The following DUSP5 variants were observed in gnomAD, a reference collection of about 807,000 sequenced individuals.
DUSP5 encodes dual specificity protein phosphatase 5.
In DUSP5, 22 loss-of-function variants were observed where a neutral mutation model predicts 33.6. That is an observed-to-expected ratio of 0.66 (90% CI 0.47 to 0.94). The LOEUF (loss-of-function observed/expected upper bound fraction) is 0.94. DUSP5 is among the 40% of genes least tolerant of loss of function. The pLI, the probability that DUSP5 is intolerant of heterozygous loss-of-function variation, is 0.00. For missense variants in DUSP5, 551 were observed against 522.1 expected, an observed-to-expected ratio of 1.06 and a Z score of -0.54; for synonymous variants, 270 against 231.1, an observed-to-expected ratio of 1.17 and a Z score of -1.53.
intron 2 of DUSP5, among the ~76,000 whole-genome samples, chr10:110,504,997 C>T (rs1202971645): frequency 6.6e-6 from 1 of 152,188 alleles, no homozygotes; most frequent in Non-Finnish European, 1.5e-5. Context: ...CGCCCAAGCC[C>T]AGGTTGTTAA....
rs140873397 is a variant in DUSP5, at chr10:110,500,031, T to C, written c.379+1531T>C. On this transcript the variant is annotated intron_variant, in intron 1 of 3. Coordinates refer to ENST00000369583, the MANE Select transcript of DUSP5 (RefSeq NM_004419.4). ...GGTAACATATACACAGGTAAAAATT[T>C]GAACAGCATGAAGGCCCTGTGATGA... Among the ~76,000 whole-genome samples, 825 of 152,348 alleles carry C rather than the reference T, an allele frequency of 5.4e-3. 15 individuals carry two copies. The highest frequency in any genetic ancestry group is 0.019 in the African/African-American group (794 of 41,582).
At chr10:110,499,724 A>G (rs1590514647) in intron 1 of DUSP5, among the ~76,000 whole-genome samples, 1 of 152,190 alleles carries the variant, frequency 6.6e-6, no homozygotes, top group African/African-American at 2.4e-5. Context: ...CTAACAGCCT[A>G]TCCCCCAGGG....
At chr10:110,503,709 G>T (rs981244566) in intron 2 of DUSP5, among the ~76,000 whole-genome samples, 5 of 152,224 alleles carry the variant, frequency 3.3e-5, no homozygotes, top group African/African-American at 1.2e-4. Context: ...GAGTCCTACA[G>T]CTGGTTCAAG....
At position 110,498,299 on chromosome 10, in the gene DUSP5, G is replaced by A; in HGVS notation, c.178G>A (p.Val60Met). The A allele has an allele frequency of 1.4e-6, 2 of 1,437,958 alleles. No homozygotes were observed. Among genetic ancestry groups the A allele is most frequent in the Non-Finnish European group, 9.2e-7 (1 of 1,090,686 alleles). 89.1% of individuals were successfully genotyped at this position (1,437,958 alleles called of 1,614,324 possible). A position where few individuals can be genotyped will look rare whatever the true frequency, so the allele number is the denominator to read the frequency against. The change falls in exon 1 of 4, where the codon GTG becomes ATG. Residue 60 changes from valine to methionine, a missense_variant. Coordinates refer to ENST00000369583, the MANE Select transcript of DUSP5 (RefSeq NM_004419.4). ...VVLRRARGGA[V>M]SARYVLPDEA... Reference sequence around the variant, plus strand: ...GCTGCGGCGGGCCCGGGGCGGCGCGGTGTCGGCGCGCTACGTGCTGCCCGA... The same window carrying A: ...GCTGCGGCGGGCCCGGGGCGGCGCGATGTCGGCGCGCTACGTGCTGCCCGA...
At chr10:110,508,496 G>A (rs920537872) in intron 3 of DUSP5, among the ~76,000 whole-genome samples, 2 of 152,088 alleles carry the variant, frequency 1.3e-5, no homozygotes, top group Non-Finnish European at 2.9e-5. Context: ...CTTTTTCTCC[G>A]ATTGCTTGCC....
intron 2 of DUSP5, chr10:110,503,418 C>G (rs1288320921): frequency 6.6e-6 from 1 of 152,230 alleles, no homozygotes; most frequent in Admixed American, 6.5e-5. Flanking sequence ...GGTTCTTATG[C>G]TTACAATTCC....
At chr10:110,507,696 A>G (rs1273254198) in intron 3 of DUSP5, among the ~76,000 whole-genome samples, 1 of 152,234 alleles carries the variant, frequency 6.6e-6, no homozygotes, top group African/African-American at 2.4e-5. Context: ...TGCACAGAAA[A>G]GTTGGCATCT....
intron 2 of DUSP5, among the ~76,000 whole-genome samples, chr10:110,504,727 G>A (rs1860097661): frequency 6.6e-6 from 1 of 152,202 alleles, no homozygotes; most frequent in South Asian, 2.1e-4. Context: ...GACCTGCTTG[G>A]ATTGCCTAAA....
At chr10:110,498,534 T>A in intron 1 of DUSP5, 34 bp downstream of exon 1, 3 of 1,420,754 alleles carry the variant, frequency 2.1e-6, no homozygotes, top group Non-Finnish European at 2.7e-6. Flanking sequence ...CGCTCGCCCC[T>A]CCGGCGCCCC....
chr10:110,503,839 A>G (rs1357800974), intron 2 of DUSP5, among the ~76,000 whole-genome samples: 2 of 152,218 alleles, frequency 1.3e-5, no homozygotes, highest in African/African-American at 2.4e-5. Flanking sequence ...TAACCTTTCA[A>G]ACTTTTCACA....
At chr10:110,507,253 A>G in intron 3 of DUSP5, 99 bp downstream of exon 3, 4 of 1,280,876 alleles carry the variant, frequency 3.1e-6, no homozygotes, top group Non-Finnish European at 4.3e-6. Flanking sequence ...CACTGAAAGA[A>G]AAGTGTCTTG....
In DUSP5 at chr10:110,510,215, CTG is replaced by C; in HGVS notation, c.945_946del (p.Glu316AspfsTer32). 1 of 1,614,244 alleles carries C rather than the reference CTG, an allele frequency of 6.2e-7. No individual in the cohort carries two copies. The highest frequency in any genetic ancestry group is 8.5e-7 in the Non-Finnish European group (1 of 1,180,034). On this transcript the variant is annotated frameshift_variant, in exon 4 of 4. Coordinates refer to ENST00000369583, the MANE Select transcript of DUSP5 (RefSeq NM_004419.4). LOFTEE classifies it high-confidence loss of function. Reference sequence around the variant, plus strand: ...ATGGGCCAGCTCCTGCAGTACGAATCTGAGATCCTGCCCTCCACGCCCAACCC... The same window carrying C: ...ATGGGCCAGCTCCTGCAGTACGAATCAGATCCTGCCCTCCACGCCCAACCC...
chr10:110,498,910 C>T (rs138178984), intron 1 of DUSP5, among the ~76,000 whole-genome samples: 435 of 152,276 alleles, frequency 2.9e-3, no homozygotes, highest in Non-Finnish European at 4.2e-3. Context: ...GATCCACTCT[C>T]CCTTGGTGTG....
Position 110,503,281 on chromosome 10 carries a change from G to T in DUSP5, c.528+412G>T, listed in dbSNP as rs952227698. 6.6e-5 allele frequency among the ~76,000 whole-genome samples: 10 copies of T among 152,202 alleles called. 1 individual carries two copies. Among genetic ancestry groups the T allele is most frequent in the Admixed American group, 6.5e-4 (10 of 15,276 alleles). ...TTTTCTTTGTAATTGTCCATGCTCT[G>T]CAGTTTCTGCAAACCATCCCGGTAC... On this transcript the variant is annotated intron_variant, in intron 2 of 3. Transcript: ENST00000369583.
chr10:110,500,345 T>C (rs2134656610), intron 1 of DUSP5, among the ~76,000 whole-genome samples: 2 of 152,378 alleles, frequency 1.3e-5, no homozygotes, highest in East Asian at 3.9e-4. Flanking sequence ...TGCTCTTGCG[T>C]GTGCAGTGCC....
chr10:110,504,442 AAGAAACTGG>A (rs1243850621), intron 2 of DUSP5, among the ~76,000 whole-genome samples: 5 of 152,226 alleles, frequency 3.3e-5, no homozygotes, highest in African/African-American at 1.2e-4. Context: ...TGAGCTCCAA[AAGAAACTGG>A]ATAGGATCCC....
At chr10:110,503,268 TTGTC>T (rs1860079181) in intron 2 of DUSP5, among the ~76,000 whole-genome samples, 1 of 152,246 alleles carries the variant, frequency 6.6e-6, no homozygotes, top group Admixed American at 6.5e-5. Flanking sequence ...TTCTTTGTAA[TTGTC>T]CATGCTCTGC....
chr10:110,499,914 C>T (rs1860021921), intron 1 of DUSP5, among the ~76,000 whole-genome samples: 1 of 152,188 alleles, frequency 6.6e-6, no homozygotes, highest in South Asian at 2.1e-4. Flanking sequence ...CTAAGCTGGC[C>T]CTGCTGACAG....
Position 110,502,723 on chromosome 10 carries a change from G to C in DUSP5, c.382G>C (p.Gly128Arg), listed in dbSNP as rs1168760756. The C allele has an allele frequency of 6.2e-7, 1 of 1,612,996 alleles. No individual in the cohort carries two copies. Among genetic ancestry groups the C allele is most frequent in the Non-Finnish European group, 8.5e-7 (1 of 1,179,456 alleles). Reference sequence around the variant, plus strand: ...CACCTTTTTGTTTGTTTTTGTAGGGGGATATGAGACTTTCTACTCGGAATA... The same window carrying C: ...CACCTTTTTGTTTGTTTTTGTAGGGCGATATGAGACTTTCTACTCGGAATA... ...AGPRVYFLKG[G>R]YETFYSEYPE... Residue 128 changes from glycine (G) to arginine (R), a missense_variant and splice_region_variant, in exon 2 of 4, where the codon GGA becomes CGA. Gly to Arg is a moderately radical substitution (Grantham distance 125). Around this residue, in one of 3 missense-constraint regions of DUSP5, gnomAD observed 381 missense variants for 310.4 expected, o/e 1.23. Transcript: ENST00000369583.
Sources: gnomAD v4.1 joint callset for allele counts (sites outside exome capture counted in the v4.1 genomes callset) on GRCh38, gnomAD v4.1.1 for gene constraint, gnomAD v4.1.1 regional missense constraint, MANE v1.5 for transcripts, NCBI Gene and HGNC (gene_info 2026-07-23, HGNC 2026-07-21) for gene names.